Variants in PCMTD1 observed in about 807,000 individuals in gnomAD.
The protein encoded by PCMTD1 is protein-L-isoaspartate O-methyltransferase domain-containing protein 1.
PCMTD1 carries 12 observed loss-of-function variants against 37.6 expected under a neutral mutation model. That is an observed-to-expected ratio of 0.32 (90% confidence interval 0.20 to 0.52). The LOEUF (loss-of-function observed/expected upper bound fraction) is 0.52. Among genes scored for constraint, PCMTD1 ranks in the 20% least tolerant of loss-of-function variants. PCMTD1 has a pLI of 0.97. For synonymous variants in PCMTD1, 117 were observed against 135.8 expected (o/e 0.86, Z 0.96); for missense variants, 235 against 421.3 (o/e 0.56, Z 3.87).
Position 51,818,851 on chromosome 8 carries a change from G to C in PCMTD1, c.*1500C>G, listed in dbSNP as rs1161085073. 1 of 152,308 alleles carries C rather than the reference G, an allele frequency of 6.6e-6. No homozygotes were observed. Among genetic ancestry groups the C allele is most frequent in the Non-Finnish European group, 1.5e-5 (1 of 68,062 alleles). 9.4% of individuals were successfully genotyped at this position (152,308 alleles called of 1,614,324 possible). A position where few individuals can be genotyped will look rare whatever the true frequency, so the allele number is the denominator to read the frequency against. On this transcript the variant is annotated 3_prime_UTR_variant, in exon 6 of 6. Transcript: ENST00000522514. Reference sequence around the variant, plus strand: ...GAAACAATATCTGAATCTTAGCAGAGAGATAATAATCCTTTCACTATACAT... The same window carrying C: ...GAAACAATATCTGAATCTTAGCAGACAGATAATAATCCTTTCACTATACAT...
At chr8:51,828,476 T>G (rs1001095361) in intron 5 of PCMTD1, among the ~76,000 whole-genome samples, 2 of 152,324 alleles carry the variant, frequency 1.3e-5, no homozygotes. Flanking sequence ...TGTAGGATTT[T>G]TCCACTTTAC....
At chr8:51,845,531 A>T in intron 3 of PCMTD1, 130 bp downstream of exon 3, 2 of 561,864 alleles carry the variant, frequency 3.6e-6, no homozygotes, top group Non-Finnish European at 6.3e-6. Context: ...ACTTTTTCTC[A>T]TTTTATGGTG....
At position 51,833,433 on chromosome 8, in the gene PCMTD1, A is replaced by G. The variant is rs2038024184; in HGVS notation, c.582+85T>C. 3.6e-6 allele frequency: 4 copies of G among 1,102,940 alleles called. No individual in the cohort carries two copies. In the South Asian group the frequency reaches 6.4e-5, roughly 18 times the overall value. 68.3% of individuals were successfully genotyped at this position (1,102,940 alleles called of 1,614,324 possible). A position where few individuals can be genotyped will look rare whatever the true frequency, so the allele number is the denominator to read the frequency against. On this transcript the variant is annotated intron_variant, in intron 4 of 5. Coordinates refer to ENST00000522514, the MANE Select transcript of PCMTD1 (RefSeq NM_052937.4). ...TAATTTTTTCTTTAAAAGTTACAAT[A>G]TACCTTTCACTGAATAAAATTTCTT...
At chr8:51,886,541 A>T (rs917024084) in intron 1 of PCMTD1, among the ~76,000 whole-genome samples, 1 of 152,212 alleles carries the variant, frequency 6.6e-6, no homozygotes, top group Non-Finnish European at 1.5e-5. Context: ...TAAAGAAAGC[A>T]GCTCCAAAAA....
chr8:51,833,383 CAAAT>C (rs34751797), intron 4 of PCMTD1, 131 bp downstream of exon 4: 538,288 of 662,224 alleles, frequency 0.81, 231,008 homozygotes, highest in Non-Finnish European at 0.9. Context: ...TTTTTCTAAA[CAAAT>C]AAGATAAATC....
chr8:51,845,828 A>T, intron 2 of PCMTD1, 65 bp from the exon 3 acceptor site: 1 of 1,101,416 alleles, frequency 9.1e-7, no homozygotes, highest in East Asian at 2.5e-5. Context: ...CTCTTTTTTA[A>T]GTTCTGCTCA....
At position 51,861,243 on chromosome 8, in the gene PCMTD1, A is replaced by T. The variant is rs539911607; in HGVS notation, c.-92T>A. The T allele has an allele frequency of 6.8e-7, 1 of 1,460,952 alleles. No individual in the cohort carries two copies. Among genetic ancestry groups the T allele is most frequent in the South Asian group, 1.5e-5 (1 of 66,840 alleles). 90.5% of individuals were successfully genotyped at this position (1,460,952 alleles called of 1,614,324 possible). On this transcript the variant is annotated 5_prime_UTR_variant, in exon 2 of 6. Transcript: ENST00000522514. ...TGCACTTGATTTCCAAAAATAAATT[A>T]ATCCTGGAAGGGAAGAACAAAAATA...
chr8:51,897,504 T>C lies in PCMTD1; in HGVS notation c.-96+1426A>G, dbSNP rs146132442. Among the ~76,000 whole-genome samples the C allele has an allele frequency of 5.7e-3, 875 of 152,328 alleles. 8 individuals carry two copies. Among genetic ancestry groups the C allele is most frequent in the African/African-American group, 0.02 (832 of 41,574 alleles). The stretch of plus-strand genomic sequence containing the variant: ...CAACTGACCATATGGAATTAAAATT[T>C]ACTTAGAAAAAAATGAAATAAAAAA... On this transcript the variant is annotated intron_variant, in intron 1 of 5. Coordinates refer to ENST00000522514, the MANE Select transcript of PCMTD1 (RefSeq NM_052937.4).
intron 1 of PCMTD1, among the ~76,000 whole-genome samples, chr8:51,894,644 G>C (rs907218874): frequency 6.6e-6 from 1 of 152,202 alleles, no homozygotes; most frequent in African/African-American, 2.4e-5. Flanking sequence ...CAGGGAACAT[G>C]ATCAGGACTA....
At chr8:51,863,266 AGT>A (rs1297873014) in intron 1 of PCMTD1, among the ~76,000 whole-genome samples, 1 of 152,182 alleles carries the variant, frequency 6.6e-6, no homozygotes. Context: ...ATTCCCTTTG[AGT>A]GGGCTCTAGG....
intron 5 of PCMTD1, among the ~76,000 whole-genome samples, chr8:51,823,777 A>G (rs1331776360): frequency 6.6e-6 from 1 of 152,240 alleles, no homozygotes; most frequent in Non-Finnish European, 1.5e-5. Context: ...CCTGATGAAC[A>G]TCGATGCAAA....
intron 3 of PCMTD1, among the ~76,000 whole-genome samples, chr8:51,844,524 C>T (rs2038190885): frequency 6.6e-6 from 1 of 152,162 alleles, no homozygotes; most frequent in Non-Finnish European, 1.5e-5. Context: ...TCCATTACAT[C>T]AGGTTTCTGT....
At chr8:51,898,573 A>AGAGCCGAGGAC (rs929387408) in intron 1 of PCMTD1, among the ~76,000 whole-genome samples, 141 of 152,270 alleles carry the variant, frequency 9.3e-4, no homozygotes, top group African/African-American at 2.1e-3. Flanking sequence ...AGCCCAGGTC[A>AGAGCCGAGGAC]GAGCCGAGGA....
At chr8:51,868,298 A>C (rs1488227908) in intron 1 of PCMTD1, among the ~76,000 whole-genome samples, 1 of 152,170 alleles carries the variant, frequency 6.6e-6, no homozygotes, top group Admixed American at 6.6e-5. Context: ...GGGGCATGGG[A>C]GCTAAAACCT....
At chr8:51,827,186 T>C in intron 5 of PCMTD1, 1 of 1,117,006 alleles carries the variant, frequency 9.0e-7, no homozygotes, top group South Asian at 1.9e-5. Context: ...ATGCTCTGAA[T>C]ATTACTATAT....
chr8:51,830,305 A>G (rs1293970864), intron 5 of PCMTD1, among the ~76,000 whole-genome samples: 1 of 152,206 alleles, frequency 6.6e-6, no homozygotes, highest in Admixed American at 6.5e-5. Flanking sequence ...GTCTCCATTT[A>G]TAACTTGCTC....
intron 3 of PCMTD1, among the ~76,000 whole-genome samples, chr8:51,840,280 T>C (rs2038127852): frequency 6.6e-6 from 1 of 152,142 alleles, no homozygotes; most frequent in Non-Finnish European, 1.5e-5. Context: ...GAAATTGTAT[T>C]TCAACAATTT....
intron 1 of PCMTD1, chr8:51,895,830 C>T (rs1023457860): frequency 4.6e-5 from 7 of 151,990 alleles, no homozygotes; most frequent in African/African-American, 1.7e-4. Context: ...AATTATCATC[C>T]TTAACAATTG....
intron 1 of PCMTD1, among the ~76,000 whole-genome samples, chr8:51,870,982 T>G (rs548799118): frequency 6.6e-6 from 1 of 152,288 alleles, no homozygotes; most frequent in Non-Finnish European, 1.5e-5. Context: ...TGAAAATAAT[T>G]ACATCATAAA....
Sources: allele counts gnomAD v4.1 joint callset (sites outside exome capture counted in the v4.1 genomes callset), GRCh38; gene constraint gnomAD v4.1.1; transcripts MANE v1.5; gene names NCBI Gene and HGNC (gene_info 2026-07-23, HGNC 2026-07-21).